PRDM16: variants seen among roughly 807,000 people sequenced by gnomAD.
PRDM16 encodes PR/SET domain 16.
A neutral mutation model predicts 110.6 loss-of-function variants in PRDM16; 23 were observed. The ratio of observed to expected loss-of-function variants is 0.21; its 90% CI spans 0.15 to 0.29. PRDM16 has a LOEUF of 0.29. Ranked by LOEUF, PRDM16 falls within the 10% of genes least tolerant of loss-of-function variation. The probability of loss-of-function intolerance (pLI) is 1.00; values close to 1 mark genes in which losing one functional copy is unlikely to be tolerated. For missense variants in PRDM16, 1,615 were observed against 1,794.3 expected (o/e 0.90, Z 1.81); for synonymous variants, 799 against 781.8 (o/e 1.02, Z -0.37).
At chr1:3,392,522 G>T (rs1040759263) in intron 4 of PRDM16, among the ~76,000 whole-genome samples, 1 of 152,290 alleles carries the variant, frequency 6.6e-6, no homozygotes, top group East Asian at 1.9e-4. Flanking sequence ...GGAGTTTTTC[G>T]TCTATTTGTA....
intron 1 of PRDM16, among the ~76,000 whole-genome samples, chr1:3,184,846 G>A (rs1209380959): frequency 4.6e-5 from 7 of 151,992 alleles, no homozygotes; most frequent in Admixed American, 2.6e-4. Context: ...GGTGCATGTC[G>A]GGGGCTGGTC....
intron 3 of PRDM16, among the ~76,000 whole-genome samples, chr1:3,337,825 T>C (rs1642192573): frequency 6.6e-6 from 1 of 152,156 alleles, no homozygotes; most frequent in Non-Finnish European, 1.5e-5. Context: ...CACTGAGCAT[T>C]GGTGCTGGAA....
intron 1 of PRDM16, among the ~76,000 whole-genome samples, chr1:3,177,238 C>A (rs1354681893): frequency 6.6e-6 from 1 of 152,218 alleles, no homozygotes; most frequent in African/African-American, 2.4e-5. Context: ...CCCATCCATT[C>A]AGCTATTTAT....
rs371460126 is a variant in PRDM16 at position 3,417,933 on chromosome 1, C to A, written c.2797C>A (p.Arg933=). 2 of 1,612,914 alleles carry A rather than the reference C, an allele frequency of 1.2e-6. No individual in the cohort carries two copies. Among genetic ancestry groups the A allele is most frequent in the Non-Finnish European group, 8.5e-7 (1 of 1,179,522 alleles). Residue 933 remains arginine, a synonymous_variant, in exon 11 of 17, where the codon CGG becomes AGG. Transcript: ENST00000270722. The part of the protein sequence containing the change: ...QPLPHHPFNF[R]SPPPTLSDPI... ...CCTCCCCCACCACCCCTTCAACTTC[C>A]GGTCCCCACCCCCAACGCTCTCCGA...
Position 3,190,327 on chromosome 1 carries a change from G to A in PRDM16, c.387+3853G>A, listed in dbSNP as rs1009441206. On this transcript the variant is annotated intron_variant, in intron 2 of 16. Transcript: ENST00000270722. This position sits in a 1 kb window ranked among gnomAD's most constrained non-coding sequence, Gnocchi z 5.0. Reference sequence around the variant, plus strand: ...TAAGTGGGAGCTTTCCGTTAGCAACGCAGGAATGAGGCTGGGGGTCGGGAG... The same window carrying A: ...TAAGTGGGAGCTTTCCGTTAGCAACACAGGAATGAGGCTGGGGGTCGGGAG... 5.3e-5 allele frequency among the ~76,000 whole-genome samples: 8 copies of A among 152,172 alleles called. No homozygotes were observed. In the South Asian group the frequency reaches 8.3e-4, roughly 16 times the overall value.
intron 3 of PRDM16, among the ~76,000 whole-genome samples, chr1:3,384,375 G>A (rs1643159961): frequency 6.6e-6 from 1 of 152,192 alleles, no homozygotes; most frequent in Admixed American, 6.5e-5. Flanking sequence ...GGGGAGGCTG[G>A]GGGGCCTGCA....
intron 12 of PRDM16, among the ~76,000 whole-genome samples, chr1:3,419,558 G>A (rs969902089): frequency 3.9e-5 from 6 of 152,210 alleles, no homozygotes; most frequent in Non-Finnish European, 7.3e-5. Context: ...ATGGGGAAAC[G>A]CTGGTTTTCT....
chr1:3,418,627 C>A, intron 11 of PRDM16, 40 bp from the exon 12 acceptor site: 2 of 1,398,446 alleles, frequency 1.4e-6, no homozygotes, highest in Non-Finnish European at 2.0e-6. Context: ...GTAAGCCCAC[C>A]CTAATCCTCC....
At chr1:3,326,816 G>A (rs558537384) in intron 3 of PRDM16, among the ~76,000 whole-genome samples, 27 of 152,320 alleles carry the variant, frequency 1.8e-4, no homozygotes, top group African/African-American at 5.3e-4. Context: ...GGGGGAGGCC[G>A]CTTTGTCTCA....
chr1:3,335,602 A>AACACACAC (rs3036535), intron 3 of PRDM16, among the ~76,000 whole-genome samples: 5,252 of 144,332 alleles, frequency 0.036, 150 homozygotes, highest in African/African-American at 0.071. Context: ...CTGAGGTTAA[A>AACACACAC]ACACACACAC....
At chr1:3,276,695 G>GGGTGCCGTGAACAGAGCCAGCGAGA (rs1194034326) in intron 3 of PRDM16, among the ~76,000 whole-genome samples, 7 of 151,856 alleles carry the variant, frequency 4.6e-5, no homozygotes, top group Non-Finnish European at 1.0e-4. Flanking sequence ...AGCCAGCGAG[G>GGGTGCCGTGAACAGAGCCAGCGAGA]GGTGCCGTGA....
At chr1:3,140,068 G>C (rs1250203750) in intron 1 of PRDM16, among the ~76,000 whole-genome samples, 1 of 152,236 alleles carries the variant, frequency 6.6e-6, no homozygotes, top group Non-Finnish European at 1.5e-5. Context: ...AGTCACGAGC[G>C]AGACTGGCGT....
intron 3 of PRDM16, among the ~76,000 whole-genome samples, chr1:3,376,834 T>C (rs1642998914): frequency 6.8e-6 from 1 of 147,532 alleles, no homozygotes; most frequent in Admixed American, 6.8e-5. Context: ...CCAGGCCTCC[T>C]GTGTCCCTGG....
At position 3,244,551 on chromosome 1, in the gene PRDM16, G is replaced by A. The variant is rs1361647103; in HGVS notation, c.438+414G>A. On this transcript the variant is annotated intron_variant, in intron 3 of 16. Transcript: ENST00000270722. The surrounding 1 kb of genome is among the most constrained non-coding windows in gnomAD (Gnocchi z 4.1). ...TGGCTGCAGATTCAACAAAGCCTTT[G>A]CTGCACTCGTAGCTTCCAAAGAAGC... Among the ~76,000 whole-genome samples, 1 of 152,196 alleles carries A rather than the reference G, an allele frequency of 6.6e-6. No homozygotes were observed. The highest frequency in any genetic ancestry group is 2.4e-5 in the African/African-American group (1 of 41,448).
At chr1:3,414,420 G>A in intron 9 of PRDM16, 140 bp from the exon 10 acceptor site, 1 of 656,358 alleles carries the variant, frequency 1.5e-6, no homozygotes. Flanking sequence ...TGAGCGTTGG[G>A]GCAGCCACGG....
At chr1:3,237,023 G>A (rs1041983817) in intron 2 of PRDM16, among the ~76,000 whole-genome samples, 5 of 152,250 alleles carry the variant, frequency 3.3e-5, no homozygotes, top group South Asian at 4.1e-4. Flanking sequence ...AGCCCACTGC[G>A]GGGCCCCACA....
intron 5 of PRDM16, among the ~76,000 whole-genome samples, chr1:3,401,315 C>T (rs980332999): frequency 2.0e-5 from 3 of 152,202 alleles, no homozygotes; most frequent in African/African-American, 4.8e-5. Context: ...CCCCATCCCC[C>T]CGTCTCCGCG....
In PRDM16 at chr1:3,246,623, G is replaced by T. The variant is rs1270180622; in HGVS notation, c.438+2486G>T. On this transcript the variant is annotated intron_variant, in intron 3 of 16. Coordinates refer to ENST00000270722, the MANE Select transcript of PRDM16 (RefSeq NM_022114.4). This position sits in a 1 kb window ranked among gnomAD's most constrained non-coding sequence, Gnocchi z 5.2. ...AGTCCTCAGGCACAGCTCCACCAGA[G>T]GGGGAGGCTGCCACACAGCACTGCC... is the stretch of plus-strand genomic sequence containing the variant. 2.0e-5 allele frequency among the ~76,000 whole-genome samples: 3 copies of T among 152,242 alleles called. No homozygotes were observed. The highest frequency in any genetic ancestry group is 3.9e-4 in the East Asian group (2 of 5,188).
rs187877521 is a variant in PRDM16, at chr1:3,402,759, C to T, written c.677-32C>T. 19 of 1,590,534 alleles carry T rather than the reference C, an allele frequency of 1.2e-5. No homozygotes were observed. In the East Asian group the frequency reaches 3.1e-4, roughly 26 times the overall value. ...ATAGCCCTGGGCTGGGTCTCCAGCTCACTCACCACCACCTCGTTCTCTCTC... is the reference window on the plus strand; with the variant it reads ...ATAGCCCTGGGCTGGGTCTCCAGCTTACTCACCACCACCTCGTTCTCTCTC... On this transcript the variant is annotated intron_variant, in intron 5 of 16. Transcript: ENST00000270722.
Sources: allele counts gnomAD v4.1 joint callset (sites outside exome capture counted in the v4.1 genomes callset), GRCh38; gene constraint gnomAD v4.1.1; non-coding constraint Gnocchi (gnomAD v3.1); transcripts MANE v1.5; gene names NCBI Gene and HGNC (gene_info 2026-07-23, HGNC 2026-07-21).